ERICH3: variants seen among roughly 807,000 people sequenced by gnomAD.
The protein encoded by ERICH3 is glutamate rich 3.
In ERICH3, 126 loss-of-function variants were observed where a neutral mutation model predicts 131.1. The observed-to-expected ratio is 0.96, with a 90% CI of 0.83 to 1.11. The LOEUF (loss-of-function observed/expected upper bound fraction) is 1.11, where lower values mean the gene tolerates loss of function less well. Among genes scored for constraint, ERICH3 ranks in the 50% most tolerant of loss-of-function variants. The probability of loss-of-function intolerance (pLI) is 0.00; values close to 1 mark genes in which losing one functional copy is unlikely to be tolerated. For missense variants in ERICH3, 2,050 were observed against 1,810.7 expected, an observed-to-expected ratio of 1.13 and a Z score of -2.40; for synonymous variants, 695 against 644.6, an observed-to-expected ratio of 1.08 and a Z score of -1.18.
At chr1:74,661,787 A>C (rs1646643964) in intron 1 of ERICH3, among the ~76,000 whole-genome samples, 1 of 152,190 alleles carries the variant, frequency 6.6e-6, no homozygotes, top group African/African-American at 2.4e-5. Flanking sequence ...AAGGAAGAAA[A>C]TAAGAAGCAG....
intron 1 of ERICH3, among the ~76,000 whole-genome samples, chr1:74,665,435 T>C (rs1379901075): frequency 4.6e-5 from 7 of 152,214 alleles, no homozygotes; most frequent in Admixed American, 4.6e-4. Context: ...GATTCTGCAT[T>C]TCTCATAAAA....
chr1:74,624,153 G>A (rs1649334255), intron 7 of ERICH3: 1 of 152,130 alleles, frequency 6.6e-6, no homozygotes, highest in Non-Finnish European at 1.5e-5. Context: ...AGCTACAGTA[G>A]GTTGGTTCTA....
At chr1:74,608,094 T>A (rs1034126315) in intron 9 of ERICH3, among the ~76,000 whole-genome samples, 6 of 151,976 alleles carry the variant, frequency 3.9e-5, no homozygotes, top group Admixed American at 2.0e-4. Context: ...CACATCATAC[T>A]GAAGCACAAC....
At chr1:74,586,431 T>A (rs915667848) in intron 12 of ERICH3, 2 of 984,240 alleles carry the variant, frequency 2.0e-6, no homozygotes, top group African/African-American at 3.5e-5. Flanking sequence ...CTATCCACCG[T>A]TATCCCTGGA....
intron 12 of ERICH3, 165 bp from the exon 13 acceptor site, chr1:74,577,101 G>A (rs1647073367): frequency 1.7e-6 from 1 of 590,220 alleles, no homozygotes; most frequent in Admixed American, 3.2e-5. Context: ...ATTCCTACCA[G>A]TATTGTATAA....
intron 8 of ERICH3, among the ~76,000 whole-genome samples, chr1:74,616,489 C>G (rs1648972593): frequency 6.6e-6 from 1 of 152,126 alleles, no homozygotes; most frequent in Non-Finnish European, 1.5e-5. Flanking sequence ...TCATACATCT[C>G]CAGCCTACCA....
At chr1:74,642,959 G>T in intron 4 of ERICH3, 68 bp downstream of exon 4, 1 of 1,215,416 alleles carries the variant, frequency 8.2e-7, no homozygotes, top group Non-Finnish European at 1.2e-6. Flanking sequence ...TGGAATCATA[G>T]TTTCACTGTT....
At chr1:74,595,630 A>G (rs931347232) in intron 11 of ERICH3, among the ~76,000 whole-genome samples, 2 of 152,080 alleles carry the variant, frequency 1.3e-5, no homozygotes, top group Non-Finnish European at 2.9e-5. Flanking sequence ...CTGTTGATCT[A>G]TTCAATCAGC....
chr1:74,587,261 G>C lies in ERICH3; in HGVS notation c.2176+2370C>G, dbSNP rs927563684. 2.1e-5 allele frequency among the ~76,000 whole-genome samples: 3 copies of C among 146,172 alleles called. 1 individual carries two copies. Among genetic ancestry groups the C allele is most frequent in the African/African-American group, 7.7e-5 (3 of 39,104 alleles). ...AATTGCTTGAACCCGGGAGGCAGAG[G>C]TTGCAGTGAGCTGAGATTGTGCCAC... On this transcript the variant is annotated intron_variant, in intron 12 of 14. Coordinates refer to ENST00000326665, the MANE Select transcript of ERICH3 (RefSeq NM_001002912.5).
At chr1:74,616,066 A>T (rs897200966) in intron 8 of ERICH3, among the ~76,000 whole-genome samples, 5 of 152,006 alleles carry the variant, frequency 3.3e-5, no homozygotes, top group African/African-American at 1.2e-4. Context: ...CAGTGATGCA[A>T]TCTCGGCTCA....
chr1:74,630,977 G>A (rs1341567460), intron 7 of ERICH3, among the ~76,000 whole-genome samples: 1 of 152,084 alleles, frequency 6.6e-6, no homozygotes, highest in Non-Finnish European at 1.5e-5. Context: ...CAGCTGCTGG[G>A]AGTGAGATGT....
intron 5 of ERICH3, among the ~76,000 whole-genome samples, chr1:74,638,233 A>AT (rs1260238068): frequency 6.6e-6 from 1 of 152,192 alleles, no homozygotes; most frequent in African/African-American, 2.4e-5. Flanking sequence ...TAAATCTCTG[A>AT]TTTTGTTAAG....
At chr1:74,655,827 T>A (rs911478872) in intron 1 of ERICH3, among the ~76,000 whole-genome samples, 1 of 152,128 alleles carries the variant, frequency 6.6e-6, no homozygotes, top group Non-Finnish European at 1.5e-5. Context: ...TCTTAGCCCA[T>A]TTAATGCTGC....
intron 11 of ERICH3, among the ~76,000 whole-genome samples, chr1:74,595,467 G>A (rs1021174091): frequency 5.3e-5 from 8 of 151,966 alleles, no homozygotes; most frequent in Non-Finnish European, 1.2e-4. Flanking sequence ...ATATTCACAG[G>A]TAAATGCAGA....
Position 74,573,266 on chromosome 1 carries a change from G to A in ERICH3, c.2444C>T (p.Thr815Ile), listed in dbSNP as rs751856139. 3 of 1,599,720 alleles carry A rather than the reference G, an allele frequency of 1.9e-6. No homozygotes were observed. Among genetic ancestry groups the A allele is most frequent in the African/African-American group, 1.3e-5 (1 of 74,392 alleles). Residue 815 changes from threonine to isoleucine, a missense_variant, in exon 14 of 15, where the codon ACA (threonine) becomes ATA (isoleucine). Thr to Ile is a moderately conservative substitution (Grantham distance 89). Coordinates refer to ENST00000326665, the MANE Select transcript of ERICH3 (RefSeq NM_001002912.5). ...TTCTGCCAATTCTGGCTGCTCTGCT[G>A]TTGGCTTCCACGCCCTCAAGGGAGC... ...HEAPLRAWKP[T>I]AEQPELAEEF...
At chr1:74,633,899 C>A (rs1399858876) in intron 6 of ERICH3, among the ~76,000 whole-genome samples, 1 of 151,970 alleles carries the variant, frequency 6.6e-6, no homozygotes, top group Non-Finnish European at 1.5e-5. Flanking sequence ...CTCATTCTAA[C>A]ATCATTCATT....
chr1:74,592,120 A>G (rs1014085068), intron 11 of ERICH3: 6 of 152,202 alleles, frequency 3.9e-5, no homozygotes, highest in African/African-American at 7.2e-5. Context: ...ACACAGCAGT[A>G]AAAAACAAAC....
chr1:74,572,133 T>C lies in ERICH3; in HGVS notation c.3577A>G (p.Arg1193Gly), dbSNP rs147110600. 8.7e-6 allele frequency: 14 copies of C among 1,614,078 alleles called. No individual in the cohort carries two copies. The African/African-American group carries it at 1.3e-4, about 15-fold the overall frequency. ...SEARDTEHKD[R>G]EELSSRENRA... ...TTCTCCCTGCTGGACAGCTCTTCTCTGTCTTTGTGCTCTGTGTCTCTGGCT... is the reference window on the plus strand; with the variant it reads ...TTCTCCCTGCTGGACAGCTCTTCTCCGTCTTTGTGCTCTGTGTCTCTGGCT... Residue 1193 changes from arginine to glycine, a missense_variant, in exon 14 of 15, where the codon AGA becomes GGA. Arg to Gly is a moderately radical substitution (Grantham distance 125). Coordinates refer to ENST00000326665, the MANE Select transcript of ERICH3 (RefSeq NM_001002912.5).
Position 74,571,266 on chromosome 1 carries a change from C to T in ERICH3, c.4444G>A (p.Gly1482Arg). The T allele has an allele frequency of 1.2e-6, 2 of 1,614,062 alleles. No homozygotes were observed. Among genetic ancestry groups the T allele is most frequent in the Non-Finnish European group, 1.7e-6 (2 of 1,180,006 alleles). Residue 1482 changes from glycine to arginine, a missense_variant, in exon 14 of 15, where the codon GGA (glycine) becomes AGA (arginine). Transcript: ENST00000326665. ...EKFRLGLSRE[G>R]ERELSPESLQ... ...CTCTCCGGACTCAATTCCCTCTCTCCCTCCCGTGATAATCCTAATCGGAAT... is the reference window on the plus strand; with the variant it reads ...CTCTCCGGACTCAATTCCCTCTCTCTCTCCCGTGATAATCCTAATCGGAAT...
Sources: allele counts gnomAD v4.1 joint callset (sites outside exome capture counted in the v4.1 genomes callset), GRCh38; gene constraint gnomAD v4.1.1; transcripts MANE v1.5; gene names NCBI Gene and HGNC (gene_info 2026-07-23, HGNC 2026-07-21).